FHIP1A: variants seen among roughly 807,000 people sequenced by gnomAD.
FHIP1A encodes FHF complex subunit HOOK interacting protein 1A, also known as FHF complex subunit HOOK-interacting protein 1A.
FHIP1A carries 61 observed loss-of-function variants against 88.6 expected under a neutral mutation model. That is an observed-to-expected ratio of 0.69 (90% confidence interval 0.56 to 0.85). FHIP1A has a LOEUF of 0.85. Among genes scored for constraint, FHIP1A ranks in the 40% least tolerant of loss-of-function variants. The pLI, the probability that FHIP1A is intolerant of heterozygous loss-of-function variation, is 0.00. For missense variants in FHIP1A, 1,154 were observed against 1,273.5 expected (o/e 0.91, Z 1.43); for synonymous variants, 478 against 496.0 (o/e 0.96, Z 0.48).
intron 3 of FHIP1A, among the ~76,000 whole-genome samples, chr4:151,516,506 G>GAA (rs1339778225): frequency 6.6e-6 from 1 of 152,016 alleles, no homozygotes. Flanking sequence ...CCATCAGAGT[G>GAA]AACAGGCAAC....
intron 1 of FHIP1A, among the ~76,000 whole-genome samples, chr4:151,437,154 A>T (rs1728234887): frequency 6.6e-6 from 1 of 152,094 alleles, no homozygotes; most frequent in Admixed American, 6.6e-5. Context: ...GTGCTATAAT[A>T]TTGGCCTGCA....
chr4:151,566,965 T>G (rs1733411695), intron 4 of FHIP1A, among the ~76,000 whole-genome samples: 3 of 152,196 alleles, frequency 2.0e-5, no homozygotes, highest in Admixed American at 2.0e-4. Flanking sequence ...CTCGTGTGTT[T>G]GATCTCTGTG....
At chr4:151,478,491 C>T (rs1005797777) in intron 2 of FHIP1A, among the ~76,000 whole-genome samples, 6 of 151,972 alleles carry the variant, frequency 3.9e-5, no homozygotes, top group Admixed American at 1.3e-4. Flanking sequence ...TGGAAGAGGG[C>T]GGTCATCTCA....
chr4:151,439,674 A>G (rs1413711027), intron 1 of FHIP1A, among the ~76,000 whole-genome samples: 1 of 152,186 alleles, frequency 6.6e-6, no homozygotes, highest in Non-Finnish European at 1.5e-5. Context: ...TCAAGCCACA[A>G]CAATTCTGTG....
intron 2 of FHIP1A, among the ~76,000 whole-genome samples, chr4:151,468,579 T>C (rs771431609): frequency 2.2e-4 from 33 of 152,310 alleles, no homozygotes; most frequent in Non-Finnish European, 3.7e-4. Context: ...GCTTCAAAAC[T>C]AATACCCTAG....
intron 11 of FHIP1A, among the ~76,000 whole-genome samples, chr4:151,655,498 T>G (rs1174808774): frequency 6.6e-6 from 1 of 152,202 alleles, no homozygotes; most frequent in Non-Finnish European, 1.5e-5. Context: ...ATTTTATTTT[T>G]TAAGAAATCT....
In FHIP1A at chr4:151,666,276, TTTTC is replaced by T. The variant is rs1737662556; in HGVS notation, c.*3526_*3529del. Among the ~76,000 whole-genome samples, 1 of 152,182 alleles carries T rather than the reference TTTTC, an allele frequency of 6.6e-6. No individual in the cohort carries two copies. Among genetic ancestry groups the T allele is most frequent in the Non-Finnish European group, 1.5e-5 (1 of 68,034 alleles). On this transcript the variant is annotated 3_prime_UTR_variant, in exon 14 of 14. Transcript: ENST00000435205. The stretch of plus-strand genomic sequence containing the variant: ...TGGAATAGCCAGTTAGAGATGTGAT[TTTTC>T]TTTACCATTAGATACCTCCTTTCCC...
At chr4:151,517,394 A>T (rs1185906460) in intron 3 of FHIP1A, among the ~76,000 whole-genome samples, 1 of 152,162 alleles carries the variant, frequency 6.6e-6, no homozygotes, top group East Asian at 1.9e-4. Context: ...TGGCACATGT[A>T]TACATATGTA....
In FHIP1A at chr4:151,591,093, CT is replaced by C. The variant is rs552966792; in HGVS notation, c.978+2180del. 4.9e-3 allele frequency among the ~76,000 whole-genome samples: 689 copies of C among 140,578 alleles called. 2 individuals carry two copies. The highest frequency in any genetic ancestry group is 0.012 in the African/African-American group (467 of 38,872). 92.2% of individuals were successfully genotyped at this position (140,578 alleles called of 152,430 possible). A position where few individuals can be genotyped will look rare whatever the true frequency, so the allele number is the denominator to read the frequency against. ...TCTCTGTCTGTTTTTTGTTGGTTTG[CT>C]TTTTTTTTTTTTATCATGTAGGATG... On this transcript the variant is annotated intron_variant, in intron 7 of 13. Transcript: ENST00000435205.
At chr4:151,484,323 T>C (rs559045416) in intron 3 of FHIP1A, among the ~76,000 whole-genome samples, 1 of 152,332 alleles carries the variant, frequency 6.6e-6, no homozygotes, top group South Asian at 2.1e-4. Context: ...GATAGAATGA[T>C]ATTTATACTG....
At chr4:151,645,112 T>G (rs1030208566) in intron 9 of FHIP1A, among the ~76,000 whole-genome samples, 1 of 152,192 alleles carries the variant, frequency 6.6e-6, no homozygotes, top group African/African-American at 2.4e-5. Context: ...ACCTTCTACT[T>G]TCATGAAACT....
intron 1 of FHIP1A, among the ~76,000 whole-genome samples, chr4:151,446,546 C>CAGTTTTCT (rs1319361820): frequency 7.3e-6 from 1 of 137,084 alleles, no homozygotes; most frequent in Non-Finnish European, 1.5e-5. Context: ...ATCCAGTAGT[C>CAGTTTTCT]AGTTTTCTGT....
chr4:151,409,599 G>A (rs58602547), intron 1 of FHIP1A, 134 bp downstream of exon 1: 2,956 of 153,148 alleles, frequency 0.019, 96 homozygotes, highest in African/African-American at 0.067. Context: ...TTGGGCTGAG[G>A]GAGCAGGCAT....
At chr4:151,594,089 C>T (rs1291410508) in intron 7 of FHIP1A, among the ~76,000 whole-genome samples, 3 of 152,190 alleles carry the variant, frequency 2.0e-5, no homozygotes, top group Admixed American at 6.5e-5. Context: ...GTTGAACCAG[C>T]CTTGCATCCC....
chr4:151,498,050 C>T (rs1730523972), intron 3 of FHIP1A, among the ~76,000 whole-genome samples: 1 of 152,140 alleles, frequency 6.6e-6, no homozygotes, highest in Non-Finnish European at 1.5e-5. Flanking sequence ...ATATTCCATC[C>T]ACTGACCCCC....
At chr4:151,623,498 A>G (rs1735825842) in intron 7 of FHIP1A, among the ~76,000 whole-genome samples, 1 of 145,850 alleles carries the variant, frequency 6.9e-6, no homozygotes, top group South Asian at 2.2e-4. Context: ...TTTGCCACCA[A>G]CACTCCCGCT....
At chr4:151,416,293 G>A (rs1732888183) in intron 1 of FHIP1A, among the ~76,000 whole-genome samples, 1 of 152,162 alleles carries the variant, frequency 6.6e-6, no homozygotes, top group East Asian at 1.9e-4. Flanking sequence ...TTTAGTCCAA[G>A]CTTTTTTTCA....
intron 8 of FHIP1A, among the ~76,000 whole-genome samples, chr4:151,637,509 G>A (rs1578847716): frequency 6.6e-6 from 1 of 152,254 alleles, no homozygotes; most frequent in East Asian, 1.9e-4. Context: ...GTGAGCGGTA[G>A]GGGTTACTAT....
At chr4:151,618,485 A>T (rs1281877416) in intron 7 of FHIP1A, among the ~76,000 whole-genome samples, 12 of 152,180 alleles carry the variant, frequency 7.9e-5, no homozygotes, top group East Asian at 1.9e-4. Context: ...TTAATATTTG[A>T]TTATGTTTAC....
Sources: allele counts gnomAD v4.1 joint callset (sites outside exome capture counted in the v4.1 genomes callset), GRCh38; gene constraint gnomAD v4.1.1; transcripts MANE v1.5; gene names NCBI Gene and HGNC (gene_info 2026-07-23, HGNC 2026-07-21).